ATP10B: variants seen among roughly 807,000 people sequenced by gnomAD.
The protein encoded by ATP10B is phospholipid-transporting ATPase VB.
In ATP10B, 122 loss-of-function variants were observed where a neutral mutation model predicts 141.2. That is an observed-to-expected ratio of 0.86 (90% CI 0.75 to 1.00). The LOEUF is 1.00. Among genes scored for constraint, ATP10B ranks in the 50% least tolerant of loss-of-function variants. The probability of loss-of-function intolerance (pLI) is 0.00; values close to 1 mark genes in which losing one functional copy is unlikely to be tolerated. For synonymous variants in ATP10B, 685 were observed against 692.0 expected (o/e 0.99, Z 0.16); for missense variants, 1,876 against 1,825.3 (o/e 1.03, Z -0.51).
intron 2 of ATP10B, among the ~76,000 whole-genome samples, chr5:160,784,791 G>A (rs1771010964): frequency 6.6e-6 from 1 of 152,104 alleles, no homozygotes; most frequent in South Asian, 2.1e-4. Flanking sequence ...TCCTCTTAGA[G>A]GAAGCACTGC....
At chr5:160,610,465 T>G (rs533607528) in intron 18 of ATP10B, among the ~76,000 whole-genome samples, 4 of 152,230 alleles carry the variant, frequency 2.6e-5, no homozygotes, top group Non-Finnish European at 4.4e-5. Flanking sequence ...GAGCTAGGGG[T>G]GCCCAGCTAA....
At chr5:160,849,224 T>C (rs919462155) in intron 1 of ATP10B, among the ~76,000 whole-genome samples, 12 of 152,190 alleles carry the variant, frequency 7.9e-5, no homozygotes, top group Admixed American at 6.5e-4. Flanking sequence ...GGATCTGGAA[T>C]TTTTAATTAA....
At chr5:160,801,831 G>A (rs550946745) in intron 1 of ATP10B, among the ~76,000 whole-genome samples, 5 of 152,294 alleles carry the variant, frequency 3.3e-5, no homozygotes, top group South Asian at 4.2e-4. Context: ...AGAGGTTTAC[G>A]TGATCCTTCC....
chr5:160,875,201 C>T, the ATP10B span, among the ~76,000 whole-genome samples: 2 of 110,796 alleles, frequency 1.8e-5, no homozygotes, highest in Non-Finnish European at 4.1e-5. Context: ...AGAAACCCTA[C>T]AAGCCAGAAG....
At chr5:160,748,053 C>T (rs1313776705) in intron 2 of ATP10B, among the ~76,000 whole-genome samples, 3 of 149,804 alleles carry the variant, frequency 2.0e-5, no homozygotes, top group African/African-American at 4.9e-5. Flanking sequence ...AGAGGGGTTT[C>T]GCTATTTGCA....
the ATP10B span, among the ~76,000 whole-genome samples, chr5:160,925,597 T>G: frequency 6.6e-6 from 1 of 152,238 alleles, no homozygotes; most frequent in Non-Finnish European, 1.5e-5. Flanking sequence ...AAATACATTT[T>G]GACTATCATG....
chr5:160,613,907 C>A (rs531325612), intron 17 of ATP10B: 1 of 152,290 alleles, frequency 6.6e-6, no homozygotes, highest in African/African-American at 2.4e-5. Context: ...GGCAGGAGCA[C>A]GGCATTTTGT....
intron 2 of ATP10B, among the ~76,000 whole-genome samples, chr5:160,752,882 G>A (rs1020023193): frequency 3.3e-5 from 5 of 152,180 alleles, no homozygotes; most frequent in African/African-American, 9.7e-5. Flanking sequence ...GGATCATGGG[G>A]TGTGTGGGGT....
intron 24 of ATP10B, among the ~76,000 whole-genome samples, chr5:160,577,543 GGA>G (rs1755270463): frequency 6.6e-6 from 1 of 152,192 alleles, no homozygotes; most frequent in Admixed American, 6.5e-5. Flanking sequence ...TTCTGGGGCT[GGA>G]GAGCACCGCG....
At chr5:160,668,801 C>T (rs1762482661) in intron 7 of ATP10B, among the ~76,000 whole-genome samples, 1 of 152,174 alleles carries the variant, frequency 6.6e-6, no homozygotes, top group African/African-American at 2.4e-5. Context: ...CACAGCAAAA[C>T]CATGGGATAG....
chr5:160,722,868 G>A (rs1262743352), intron 2 of ATP10B, among the ~76,000 whole-genome samples: 1 of 152,216 alleles, frequency 6.6e-6, no homozygotes, highest in Non-Finnish European at 1.5e-5. Flanking sequence ...GAAGCAGAGA[G>A]TGGAGGCAGG....
chr5:160,902,754 ATAT>A, the ATP10B span, among the ~76,000 whole-genome samples: 1 of 152,350 alleles, frequency 6.6e-6, no homozygotes, highest in East Asian at 1.9e-4. Flanking sequence ...GGTTCAACAC[ATAT>A]TAGGTGCTTA....
At chr5:160,818,873 A>G (rs1299172714) in intron 1 of ATP10B, among the ~76,000 whole-genome samples, 2 of 152,180 alleles carry the variant, frequency 1.3e-5, no homozygotes, top group Admixed American at 1.3e-4. Flanking sequence ...GCTGGAAACC[A>G]TCATTCTCAG....
intron 3 of ATP10B, among the ~76,000 whole-genome samples, chr5:160,703,368 T>C (rs1028007716): frequency 1.3e-5 from 2 of 152,208 alleles, no homozygotes; most frequent in Non-Finnish European, 1.5e-5. Flanking sequence ...GTCTAAAAAA[T>C]ACATAGCTTA....
intron 3 of ATP10B, among the ~76,000 whole-genome samples, chr5:160,695,072 C>A (rs926854801): frequency 6.6e-6 from 1 of 152,094 alleles, no homozygotes; most frequent in Non-Finnish European, 1.5e-5. Context: ...AATTAGTTTC[C>A]TTGTAAGGGA....
intron 1 of ATP10B, among the ~76,000 whole-genome samples, chr5:160,822,989 C>CATACAT (rs1774248210): frequency 1.0e-4 from 7 of 69,706 alleles, no homozygotes; most frequent in Admixed American, 4.2e-4. Context: ...ATTACATATA[C>CATACAT]ATATATATAT....
chr5:160,652,867 A>G (rs1383104144), intron 7 of ATP10B, among the ~76,000 whole-genome samples: 1 of 91,082 alleles, frequency 1.1e-5, no homozygotes, highest in Admixed American at 1.7e-4. Context: ...AATTATATAT[A>G]ATATATATAA....
chr5:160,828,232 CT>C (rs1383373519), intron 1 of ATP10B, among the ~76,000 whole-genome samples: 2 of 152,106 alleles, frequency 1.3e-5, no homozygotes, highest in East Asian at 3.9e-4. Flanking sequence ...AACTAAAGAG[CT>C]TCTGCACAGC....
intron 2 of ATP10B, among the ~76,000 whole-genome samples, chr5:160,774,909 G>C (rs1033725424): frequency 6.6e-6 from 1 of 152,114 alleles, no homozygotes; most frequent in Admixed American, 6.5e-5. Context: ...CCTCACTGGA[G>C]GGAGTGTAAC....
Sources: allele counts gnomAD v4.1 joint callset (sites outside exome capture counted in the v4.1 genomes callset), GRCh38; gene constraint gnomAD v4.1.1; transcripts MANE v1.5; gene names NCBI Gene and HGNC (gene_info 2026-07-23, HGNC 2026-07-21).